AK8: variants seen among roughly 807,000 people sequenced by gnomAD.
AK8 encodes the protein ATP-AMP transphosphorylase 8.
A neutral mutation model predicts 54.6 loss-of-function variants in AK8; 44 were observed. The observed-to-expected ratio is 0.81, with a 90% CI of 0.63 to 1.04. AK8 has a LOEUF of 1.04. Among genes scored for constraint, AK8 ranks in the 50% least tolerant of loss-of-function variants. The probability of loss-of-function intolerance (pLI) is 0.00; values close to 1 mark genes in which losing one functional copy is unlikely to be tolerated. For synonymous variants in AK8, 239 were observed against 245.6 expected (o/e 0.97, Z 0.25); for missense variants, 555 against 613.6 (o/e 0.90, Z 1.01).
rs148277352 is a variant in AK8 at position 132,746,246 on chromosome 9, G to A, written c.1122-18712C>T. Among the ~76,000 whole-genome samples the A allele has an allele frequency of 1.4e-3, 207 of 152,214 alleles. 3 individuals are homozygous for A. Among genetic ancestry groups the A allele is most frequent in the African/African-American group, 4.8e-3 (199 of 41,512 alleles). Reference sequence around the variant, plus strand: ...CACACACACACATAGACACACACACGAAACAAATTAGAAGCCCTGTGGTTA... The same window carrying A: ...CACACACACACATAGACACACACACAAAACAAATTAGAAGCCCTGTGGTTA... On this transcript the variant is annotated intron_variant, in intron 11 of 12. Transcript: ENST00000298545.
chr9:132,786,082 C>G (rs1839697955), intron 11 of AK8, among the ~76,000 whole-genome samples: 1 of 152,330 alleles, frequency 6.6e-6, no homozygotes, highest in Non-Finnish European at 1.5e-5. Context: ...GAGGCGGCCT[C>G]AGAAAGCCAA....
intron 11 of AK8, among the ~76,000 whole-genome samples, chr9:132,728,445 C>A (rs1400601582): frequency 6.6e-6 from 1 of 152,336 alleles, no homozygotes; most frequent in South Asian, 2.1e-4. Flanking sequence ...GGCCACTGAC[C>A]CAGCCTCTGT....
chr9:132,853,887 A>C (rs1843069264), intron 5 of AK8, among the ~76,000 whole-genome samples: 1 of 151,970 alleles, frequency 6.6e-6, no homozygotes, highest in African/African-American at 2.4e-5. Flanking sequence ...GCCCCTTAAA[A>C]ATTACAAAAA....
intron 9 of AK8, among the ~76,000 whole-genome samples, chr9:132,817,720 G>C (rs770738098): frequency 6.6e-6 from 1 of 152,172 alleles, no homozygotes; most frequent in Non-Finnish European, 1.5e-5. Context: ...CCAAATCTAA[G>C]AGACCTAGAG....
intron 5 of AK8, among the ~76,000 whole-genome samples, chr9:132,841,682 T>C (rs941115882): frequency 2.6e-5 from 4 of 152,210 alleles, no homozygotes; most frequent in African/African-American, 9.6e-5. Context: ...TGGGCCTCAG[T>C]TTCCCTTTTC....
chr9:132,878,261 C>T lies in AK8; in HGVS notation c.-6G>A. 3 of 1,362,368 alleles carry T rather than the reference C, an allele frequency of 2.2e-6. No homozygotes were observed. Among genetic ancestry groups the T allele is most frequent in the Middle Eastern group, 2.2e-4 (1 of 4,616 alleles). The allele number at this position is 1,362,368 out of a possible 1,614,324, so 84.4% of individuals were successfully genotyped here. The stretch of plus-strand genomic sequence containing the variant: ...GGGGCGATAGTGGCGTCCATGTAGC[C>T]GTCTCGGCTCGCCGCTCCCTAGTAA... On this transcript the variant is annotated 5_prime_UTR_variant, in exon 1 of 13. Transcript: ENST00000298545. This position sits in a 1 kb window ranked among gnomAD's most constrained non-coding sequence, Gnocchi z 4.7.
chr9:132,741,259 C>T (rs1361389836), intron 11 of AK8, among the ~76,000 whole-genome samples: 1 of 152,238 alleles, frequency 6.6e-6, no homozygotes, highest in East Asian at 1.9e-4. Context: ...CCCGACACTG[C>T]TCCTTCATGC....
chr9:132,810,673 G>C (rs1485327112), intron 10 of AK8, among the ~76,000 whole-genome samples: 1 of 152,184 alleles, frequency 6.6e-6, no homozygotes, highest in East Asian at 1.9e-4. Flanking sequence ...GGTGAGGAGA[G>C]AGGAGATGAG....
chr9:132,798,783 G>A (rs563116914), intron 10 of AK8, among the ~76,000 whole-genome samples: 4 of 150,958 alleles, frequency 2.6e-5, no homozygotes, highest in Admixed American at 6.6e-5. Flanking sequence ...TTTATTCCCC[G>A]CGGGGCTGGG....
At chr9:132,759,432 T>C (rs889427738) in intron 11 of AK8, among the ~76,000 whole-genome samples, 1 of 152,206 alleles carries the variant, frequency 6.6e-6, no homozygotes, top group Non-Finnish European at 1.5e-5. Flanking sequence ...TGAATAAAAG[T>C]TCTCAATTTT....
intron 5 of AK8, among the ~76,000 whole-genome samples, chr9:132,839,037 G>C (rs1842433285): frequency 6.6e-6 from 1 of 150,708 alleles, no homozygotes; most frequent in African/African-American, 2.4e-5. Flanking sequence ...TCTGCCTCCT[G>C]GGTTCAAGCG....
intron 11 of AK8, among the ~76,000 whole-genome samples, chr9:132,764,699 G>A (rs1340559578): frequency 6.6e-6 from 1 of 152,174 alleles, no homozygotes; most frequent in Non-Finnish European, 1.5e-5. Flanking sequence ...AAAAGCCCAG[G>A]ACTTGATGGC....
chr9:132,810,116 C>A (rs1479838792), intron 10 of AK8, among the ~76,000 whole-genome samples: 2 of 152,208 alleles, frequency 1.3e-5, no homozygotes, highest in Non-Finnish European at 2.9e-5. Flanking sequence ...TAAATGCATT[C>A]TTTGTTATCC....
intron 1 of AK8, among the ~76,000 whole-genome samples, chr9:132,875,742 C>A (rs1315758296): frequency 6.6e-6 from 1 of 152,220 alleles, no homozygotes; most frequent in Non-Finnish European, 1.5e-5. Flanking sequence ...GGCCACCATC[C>A]CCCCGGCAGG....
chr9:132,857,376 C>CG (rs761930182), intron 4 of AK8, among the ~76,000 whole-genome samples: 23 of 152,238 alleles, frequency 1.5e-4, no homozygotes, highest in Admixed American at 3.3e-4. Flanking sequence ...ACAGGGCCCC[C>CG]GGGGTCTGGG....
intron 5 of AK8, among the ~76,000 whole-genome samples, chr9:132,834,650 C>T (rs1025128387): frequency 6.6e-6 from 1 of 152,132 alleles, no homozygotes; most frequent in African/African-American, 2.4e-5. Context: ...TCTGGGCAGC[C>T]TAACAGTGAT....
In AK8 at chr9:132,756,774, C is replaced by T. The variant is rs76505270; in HGVS notation, c.1122-29240G>A. Among the ~76,000 whole-genome samples the T allele has an allele frequency of 6.3e-3, 956 of 152,216 alleles. 9 individuals are homozygous for T. The highest frequency in any genetic ancestry group is 0.022 in the African/African-American group (910 of 41,516). The stretch of plus-strand genomic sequence containing the variant: ...ACACCCTGTGAGCAGGTGCCATTGT[C>T]ATCATCCCCCCTTTAGAGACAGGCG... On this transcript the variant is annotated intron_variant, in intron 11 of 12. Coordinates refer to ENST00000298545, the MANE Select transcript of AK8 (RefSeq NM_152572.3).
chr9:132,743,809 C>T (rs2062408790), intron 11 of AK8, among the ~76,000 whole-genome samples: 1 of 152,176 alleles, frequency 6.6e-6, no homozygotes. Context: ...TGTGATCGTG[C>T]CCATTTCGAG....
At chr9:132,823,444 T>C in intron 8 of AK8, 108 bp from the exon 9 acceptor site, 2 of 1,458,294 alleles carry the variant, frequency 1.4e-6, no homozygotes, top group Non-Finnish European at 1.9e-6. Context: ...CTTTTTCTCT[T>C]TCACAGCACC....
Sources: gnomAD v4.1 joint callset for allele counts (sites outside exome capture counted in the v4.1 genomes callset) on GRCh38, gnomAD v4.1.1 for gene constraint, Gnocchi (gnomAD v3.1) non-coding constraint, MANE v1.5 for transcripts, NCBI Gene and HGNC (gene_info 2026-07-23, HGNC 2026-07-21) for gene names.